The following ZNF223 variants were observed in gnomAD, a reference collection of about 807,000 sequenced individuals.
ZNF223 encodes Homo sapiens zinc finger protein 223.
ZNF223 carries 9 observed loss-of-function variants against 12.3 expected under a neutral mutation model. The observed-to-expected ratio is 0.73, with a 90% CI of 0.44 to 1.28. The LOEUF is 1.28. Ranked by LOEUF, ZNF223 falls within the 50% of genes most tolerant of loss-of-function variation. The pLI is 0.00. For synonymous variants in ZNF223, 171 were observed against 195.2 expected (o/e 0.88, Z 1.03); for missense variants, 506 against 579.0 (o/e 0.87, Z 1.29).
At chr19:44,056,674 A>G (rs1380914071) in intron 2 of ZNF223, among the ~76,000 whole-genome samples, 1 of 122,418 alleles carries the variant, frequency 8.2e-6, no homozygotes, top group Non-Finnish European at 1.6e-5. Flanking sequence ...GCTCACTGCC[A>G]GCTCTGCCTC....
intron 1 of ZNF223, among the ~76,000 whole-genome samples, chr19:44,053,173 A>T (rs1976722902): frequency 6.6e-6 from 1 of 152,180 alleles, no homozygotes; most frequent in Non-Finnish European, 1.5e-5. Flanking sequence ...AGAAACTGAG[A>T]AAAGAAATAA....
rs754705207 is a variant in ZNF223 at position 44,067,372 on chromosome 19, C to G, written c.*95C>G. 1.6e-6 allele frequency: 2 copies of G among 1,272,502 alleles called. No individual in the cohort carries two copies. The highest frequency in any genetic ancestry group is 2.6e-5 in the South Asian group (2 of 78,304). The allele number at this position is 1,272,502 out of a possible 1,614,324, so 78.8% of individuals were successfully genotyped here. On this transcript the variant is annotated 3_prime_UTR_variant, in exon 5 of 5. Transcript: ENST00000434772. ...AGTGTAATTAGCACATTTATCACCT[C>G]AATTATCTCTTTTTTGTGTTGAGAA...
At chr19:44,054,606 A>G (rs1391681524) in intron 1 of ZNF223, among the ~76,000 whole-genome samples, 4 of 152,040 alleles carry the variant, frequency 2.6e-5, no homozygotes, top group Non-Finnish European at 5.9e-5. Flanking sequence ...AAGTCAGTTC[A>G]GTGGTCTTTA....
chr19:44,056,361 CAAAAAAAAAA>C lies in ZNF223; in HGVS notation c.15+1183_15+1192del, dbSNP rs1227362311. 3.2e-3 allele frequency among the ~76,000 whole-genome samples: 256 copies of C among 78,858 alleles called. 2 individuals carry two copies. Among genetic ancestry groups the C allele is most frequent in the Non-Finnish European group, 3.7e-3 (159 of 42,678 alleles). 51.7% of individuals were successfully genotyped at this position (78,858 alleles called of 152,430 possible). A position where few individuals can be genotyped will look rare whatever the true frequency, so the allele number is the denominator to read the frequency against. ...TGAAACCCCGTCTGTACTAAAAATA[CAAAAAAAAAA>C]AAAAAAAAAAAATTAGCCGGGCGTG... On this transcript the variant is annotated intron_variant, in intron 2 of 4. Coordinates refer to ENST00000434772, the MANE Select transcript of ZNF223 (RefSeq NM_013361.6).
chr19:44,066,230 T>C lies in ZNF223; in HGVS notation c.402T>C (p.Val134=). The C allele has an allele frequency of 6.2e-6, 10 of 1,614,218 alleles. No individual in the cohort carries two copies. The highest frequency in any genetic ancestry group is 8.5e-6 in the Non-Finnish European group (10 of 1,180,046). ...AACAGGGTGATGCCCACTCCCAGGT[T>C]GAGGAAGGACTATCTATAATGCACA... is the stretch of plus-strand genomic sequence containing the variant. The part of the protein sequence containing the change: ...FFEQGDAHSQ[V]EEGLSIMHTG... The change falls in exon 5 of 5, where the codon GTT becomes GTC. Residue 134 remains valine, a synonymous_variant. Coordinates refer to ENST00000434772, the MANE Select transcript of ZNF223 (RefSeq NM_013361.6).
intron 4 of ZNF223, among the ~76,000 whole-genome samples, chr19:44,064,435 C>CTT (rs1976879333): frequency 6.6e-6 from 1 of 152,106 alleles, no homozygotes; most frequent in African/African-American, 2.4e-5. Context: ...AGATAACCAA[C>CTT]TTATCATCCA....
At chr19:44,053,748 G>A (rs1312655596) in intron 1 of ZNF223, among the ~76,000 whole-genome samples, 1 of 152,224 alleles carries the variant, frequency 6.6e-6, no homozygotes, top group Non-Finnish European at 1.5e-5. Flanking sequence ...GTCTCAGTGG[G>A]TGGAAACCTT....
Position 44,060,368 on chromosome 19 carries a change from C to T in ZNF223, c.16-87C>T, listed in dbSNP as rs1976820523. On this transcript the variant is annotated intron_variant, in intron 2 of 4. Coordinates refer to ENST00000434772, the MANE Select transcript of ZNF223 (RefSeq NM_013361.6). ...TCTCTGAAGATCCTGAAAAACTTTC[C>T]ATTTTTCCTCTTGGCCTCCTCAATG... is the stretch of plus-strand genomic sequence containing the variant. 17 of 1,555,328 alleles carry T rather than the reference C, an allele frequency of 1.1e-5. No homozygotes were observed. The South Asian group carries it at 2.0e-4, about 18-fold the overall frequency.
chr19:44,054,147 C>T (rs776239458), intron 1 of ZNF223, among the ~76,000 whole-genome samples: 1 of 151,624 alleles, frequency 6.6e-6, no homozygotes, highest in Non-Finnish European at 1.5e-5. Context: ...GTGGGGATTC[C>T]ACAGGAGTGT....
At position 44,066,934 on chromosome 19, in the gene ZNF223, A is replaced by T. The variant is rs367658840; in HGVS notation, c.1106A>T (p.Glu369Val). 4.3e-6 allele frequency: 7 copies of T among 1,614,086 alleles called. No individual in the cohort carries two copies. The highest frequency in any genetic ancestry group is 5.9e-6 in the Non-Finnish European group (7 of 1,180,028). The change falls in exon 5 of 5, where the codon GAA becomes GTA. Residue 369 changes from glutamate to valine, a missense_variant. Glu to Val is a moderately radical substitution (Grantham distance 121, BLOSUM62 -2). Coordinates refer to ENST00000434772, the MANE Select transcript of ZNF223 (RefSeq NM_013361.6). ...LLIHQRVHTGEKPYKCDKCGK... is the reference protein window; with the variant it reads ...LLIHQRVHTGVKPYKCDKCGK... ...ATCCATCAGCGAGTCCACACTGGAG[A>T]AAAGCCATACAAATGTGACAAGTGT...
rs1448744532 is a variant in ZNF223, at chr19:44,066,471, C to G, written c.643C>G (p.Gln215Glu). 2 of 1,614,178 alleles carry G rather than the reference C, an allele frequency of 1.2e-6. No homozygotes were observed. Among genetic ancestry groups the G allele is most frequent in the East Asian group, 2.2e-5 (1 of 44,880 alleles). ...KCDVCGKEFSQSLHLQTHQRV... is the reference protein window; with the variant it reads ...KCDVCGKEFSESLHLQTHQRV... ...TGACGTGTGTGGTAAGGAATTCAGT[C>G]AGAGTTTACATCTGCAAACTCATCA... is the stretch of plus-strand genomic sequence containing the variant. Residue 215 changes from glutamine (Q) to glutamate (E), a missense_variant, in exon 5 of 5, where the codon CAG (glutamine) becomes GAG (glutamate). By Grantham distance (29) the Gln-to-Glu change is conservative (BLOSUM62 2). Transcript: ENST00000434772.
chr19:44,056,620 GTCTC>G (rs1976771869), intron 2 of ZNF223, among the ~76,000 whole-genome samples: 1 of 100,906 alleles, frequency 9.9e-6, no homozygotes, highest in African/African-American at 4.6e-5. Flanking sequence ...TTGAGATAGA[GTCTC>G]TCTCTGTTGC....
intron 1 of ZNF223, among the ~76,000 whole-genome samples, chr19:44,052,656 T>C (rs1322607120): frequency 6.6e-6 from 1 of 152,150 alleles, no homozygotes; most frequent in African/African-American, 2.4e-5. Flanking sequence ...TTTTTCCTGT[T>C]TGCTTTGTTG....
intron 4 of ZNF223, chr19:44,063,593 G>C (rs561207462): frequency 6.6e-6 from 1 of 152,476 alleles, no homozygotes; most frequent in Admixed American, 6.5e-5. Context: ...AGAAAAGGAG[G>C]CTGGAAAGGG....
At chr19:44,060,974 T>G in intron 4 of ZNF223, 133 bp downstream of exon 4, 20 of 832,274 alleles carry the variant, frequency 2.4e-5, no homozygotes, top group Non-Finnish European at 2.9e-5. Context: ...TTCCAGCTAG[T>G]GGCCCTGCTC....
Position 44,066,500 on chromosome 19 carries a change from A to G in ZNF223, c.672A>G (p.Arg224=). The G allele has an allele frequency of 6.2e-7, 1 of 1,614,244 alleles. No individual in the cohort carries two copies. Among genetic ancestry groups the G allele is most frequent in the African/African-American group, 1.3e-5 (1 of 75,062 alleles). ...GTTTACATCTGCAAACTCATCAGAG[A>G]GTCCATACTGGAGAGAAACCTTTCA... is the stretch of plus-strand genomic sequence containing the variant. ...SQSLHLQTHQ[R]VHTGEKPFKC... is the part of the protein sequence containing the mutation. Residue 224 remains arginine (R), a synonymous_variant, in exon 5 of 5, where the codon AGA becomes AGG. Coordinates refer to ENST00000434772, the MANE Select transcript of ZNF223 (RefSeq NM_013361.6).
rs1485730919 is a variant in ZNF223, at chr19:44,066,214, A to G, written c.386A>G (p.Asp129Gly). The G allele has an allele frequency of 9.9e-6, 16 of 1,614,110 alleles. No individual in the cohort carries two copies. The highest frequency in any genetic ancestry group is 1.3e-5 in the Non-Finnish European group (15 of 1,180,040). The change falls in exon 5 of 5, where the codon GAT becomes GGT. Residue 129 changes from aspartate to glycine, a missense_variant. Transcript: ENST00000434772. The part of the protein sequence containing the change: ...IKSSQFFEQG[D>G]AHSQVEEGLS... ...AGCTCTCAGTTCTTTGAACAGGGTG[A>G]TGCCCACTCCCAGGTTGAGGAAGGA...
Position 44,060,328 on chromosome 19 carries a change from A to G in ZNF223, c.16-127A>G, listed in dbSNP as rs576701129. ...ACAGACTAGAATGAATGGGAATTCT[A>G]TAAGTTGACCTACATCTCTGAAGAT... On this transcript the variant is annotated intron_variant, in intron 2 of 4. Coordinates refer to ENST00000434772, the MANE Select transcript of ZNF223 (RefSeq NM_013361.6). 5.8e-5 allele frequency: 84 copies of G among 1,439,066 alleles called. No homozygotes were observed. In the African/African-American group the frequency reaches 7.0e-4, roughly 12 times the overall value. The allele number at this position is 1,439,066 out of a possible 1,614,324, so 89.1% of individuals were successfully genotyped here.
chr19:44,056,425 G>T (rs888096907), intron 2 of ZNF223, among the ~76,000 whole-genome samples: 2 of 143,010 alleles, frequency 1.4e-5, no homozygotes, highest in African/African-American at 2.6e-5. Flanking sequence ...CCAGCTACTC[G>T]GCAGGCTGAG....
Sources: gnomAD v4.1 joint callset for allele counts (sites outside exome capture counted in the v4.1 genomes callset) on GRCh38, gnomAD v4.1.1 for gene constraint, MANE v1.5 for transcripts, NCBI Gene and HGNC (gene_info 2026-07-23, HGNC 2026-07-21) for gene names.